ATP8B4: variants seen among roughly 807,000 people sequenced by gnomAD.
ATP8B4 encodes probable phospholipid-transporting ATPase IM.
In ATP8B4, 133 loss-of-function variants were observed where a neutral mutation model predicts 145.6. The observed-to-expected ratio is 0.91, with a 90% CI of 0.79 to 1.05. The LOEUF (loss-of-function observed/expected upper bound fraction) is 1.05, where lower values mean the gene tolerates loss of function less well. Ranked by LOEUF, ATP8B4 falls within the 50% of genes least tolerant of loss-of-function variation. The pLI, the probability that ATP8B4 is intolerant of heterozygous loss-of-function variation, is 0.00. For synonymous variants in ATP8B4, 507 were observed against 492.9 expected (o/e 1.03, Z -0.38); for missense variants, 1,458 against 1,425.2 (o/e 1.02, Z -0.37).
chr15:50,084,437 G>A (rs2054762797), intron 2 of ATP8B4, among the ~76,000 whole-genome samples: 1 of 152,180 alleles, frequency 6.6e-6, no homozygotes, highest in African/African-American at 2.4e-5. Flanking sequence ...ACACACCCTG[G>A]TCCAAGCCAC....
At chr15:49,889,349 C>T (rs1566935525) in intron 23 of ATP8B4, among the ~76,000 whole-genome samples, 1 of 152,178 alleles carries the variant, frequency 6.6e-6, no homozygotes, top group Non-Finnish European at 1.5e-5. Context: ...CTAGGTTCAA[C>T]AAGATACATA....
intron 3 of ATP8B4, among the ~76,000 whole-genome samples, chr15:50,071,463 A>G (rs770579055): frequency 5.9e-5 from 9 of 152,268 alleles, no homozygotes; most frequent in Non-Finnish European, 8.8e-5. Context: ...TACTTGTTGC[A>G]TATTGGAAAA....
At chr15:50,016,611 G>C (rs564062782) in intron 6 of ATP8B4, among the ~76,000 whole-genome samples, 1 of 152,110 alleles carries the variant, frequency 6.6e-6, no homozygotes, top group African/African-American at 2.4e-5. Context: ...TCTGGAGCTG[G>C]AACAGGCCTT....
At chr15:49,994,906 G>A (rs1239316018) in intron 9 of ATP8B4, among the ~76,000 whole-genome samples, 1 of 152,092 alleles carries the variant, frequency 6.6e-6, no homozygotes, top group Non-Finnish European at 1.5e-5. Flanking sequence ...ACTATAAGAG[G>A]AAGAAGAATT....
chr15:49,991,901 A>T (rs2047073146), intron 9 of ATP8B4, among the ~76,000 whole-genome samples: 1 of 152,126 alleles, frequency 6.6e-6, no homozygotes, highest in African/African-American at 2.4e-5. Context: ...ATATTTTAAA[A>T]TTTCATTTAT....
intron 1 of ATP8B4, among the ~76,000 whole-genome samples, chr15:50,117,212 G>C (rs1456007786): frequency 6.6e-6 from 1 of 152,032 alleles, no homozygotes; most frequent in East Asian, 1.9e-4. Flanking sequence ...ACCATGCCTG[G>C]TAAATTTTTG....
At chr15:50,031,926 G>T (rs2050472808) in intron 6 of ATP8B4, among the ~76,000 whole-genome samples, 1 of 152,096 alleles carries the variant, frequency 6.6e-6, no homozygotes, top group Non-Finnish European at 1.5e-5. Flanking sequence ...ACTTTTAAAT[G>T]CTATATAGTT....
intron 25 of ATP8B4, among the ~76,000 whole-genome samples, chr15:49,873,044 T>A (rs1387412806): frequency 6.6e-6 from 1 of 152,242 alleles, no homozygotes; most frequent in African/African-American, 2.4e-5. Context: ...AAAAGTTTTT[T>A]AAAGAAATTA....
chr15:49,957,368 C>G (rs982230711), intron 14 of ATP8B4, among the ~76,000 whole-genome samples: 1 of 151,454 alleles, frequency 6.6e-6, no homozygotes, highest in Non-Finnish European at 1.5e-5. Context: ...CACACACACA[C>G]AGAGTAAAAG....
intron 12 of ATP8B4, among the ~76,000 whole-genome samples, chr15:49,975,136 G>T (rs948855137): frequency 2.0e-5 from 3 of 151,872 alleles, no homozygotes; most frequent in Non-Finnish European, 4.4e-5. Context: ...TTTTTATTAG[G>T]TCTATGTTAA....
chr15:49,982,641 T>C (rs2046261326), intron 10 of ATP8B4: 3 of 152,208 alleles, frequency 2.0e-5, no homozygotes, highest in Admixed American at 1.3e-4. Flanking sequence ...AGTTAGGTGC[T>C]GAAAATGTAC....
rs547141882 is a variant in ATP8B4 at position 50,039,027 on chromosome 15, C to T, written c.301-198G>A. 5.3e-5 allele frequency among the ~76,000 whole-genome samples: 8 copies of T among 152,286 alleles called. No individual in the cohort carries two copies. The East Asian group carries it at 1.2e-3, about 22-fold the overall frequency. On this transcript the variant is annotated intron_variant, in intron 5 of 27. Transcript: ENST00000284509. ...AAACCCTTCTCACTACATTACACTCCGGATGTCACCAATGAAACAACAAGG... is the reference window on the plus strand; with the variant it reads ...AAACCCTTCTCACTACATTACACTCTGGATGTCACCAATGAAACAACAAGG...
intron 14 of ATP8B4, among the ~76,000 whole-genome samples, chr15:49,944,197 T>C (rs928228128): frequency 7.2e-5 from 11 of 152,078 alleles, no homozygotes; most frequent in African/African-American, 2.7e-4. Context: ...AACAAAATGG[T>C]AATAGTAAAT....
At chr15:49,871,282 A>G (rs916175151) in intron 25 of ATP8B4, among the ~76,000 whole-genome samples, 39 of 152,228 alleles carry the variant, frequency 2.6e-4, no homozygotes, top group African/African-American at 9.4e-4. Context: ...TGTTTCCTTT[A>G]CGCTCAGTAT....
At chr15:50,114,988 C>T (rs968579012) in intron 1 of ATP8B4, among the ~76,000 whole-genome samples, 1 of 152,122 alleles carries the variant, frequency 6.6e-6, no homozygotes, top group Non-Finnish European at 1.5e-5. Context: ...TTCAAAAGCC[C>T]ACAGTCTGGG....
At chr15:50,164,392 C>G (rs2044565802) in intron 1 of ATP8B4, among the ~76,000 whole-genome samples, 1 of 152,204 alleles carries the variant, frequency 6.6e-6, no homozygotes, top group Admixed American at 6.5e-5. Flanking sequence ...GGTATCAATT[C>G]TCTTCTGGCC....
chr15:49,979,795 AT>A lies in ATP8B4; in HGVS notation c.855del (p.Cys286AlafsTer8). 6.3e-7 allele frequency: 1 copy of A among 1,590,438 alleles called. No homozygotes were observed. The highest frequency in any genetic ancestry group is 8.6e-7 in the Non-Finnish European group (1 of 1,166,196). Reference sequence around the variant, plus strand: ...CCTATTGCAAGAATAATTCCCAAGCATATCAGAAACCCAAAAATCTGAAATA... The same window carrying A: ...CCTATTGCAAGAATAATTCCCAAGCAATCAGAAACCCAAAAATCTGAAATA... ...TLVLWIFGFL[I>X]CLGIILAIGN... On this transcript the variant is annotated frameshift_variant, in exon 12 of 28. Transcript: ENST00000284509. LOFTEE classifies it high-confidence loss of function.
chr15:50,148,549 T>C (rs2044307396), intron 1 of ATP8B4, among the ~76,000 whole-genome samples: 1 of 152,194 alleles, frequency 6.6e-6, no homozygotes. Flanking sequence ...TTCCACCTTC[T>C]GCCACGTGAG....
intron 25 of ATP8B4, among the ~76,000 whole-genome samples, chr15:49,873,384 A>G (rs1005032725): frequency 6.6e-6 from 1 of 152,214 alleles, no homozygotes; most frequent in Non-Finnish European, 1.5e-5. Context: ...TGTAGACGCA[A>G]TCTAACAGCA....
Sources: gnomAD v4.1 joint callset for allele counts (sites outside exome capture counted in the v4.1 genomes callset) on GRCh38, gnomAD v4.1.1 for gene constraint, MANE v1.5 for transcripts, NCBI Gene and HGNC (gene_info 2026-07-23, HGNC 2026-07-21) for gene names.